The following SH3RF3 variants were observed in gnomAD, a reference collection of about 807,000 sequenced individuals.
SH3RF3 encodes the protein SH3 domain containing ring finger 3.
Under a neutral mutation model 66.3 loss-of-function variants are expected in SH3RF3, and 29 were observed. That is an observed-to-expected ratio of 0.44 (90% confidence interval 0.33 to 0.60). SH3RF3 has a LOEUF of 0.60. Ranked by LOEUF, SH3RF3 falls within the 20% of genes least tolerant of loss-of-function variation. The probability of loss-of-function intolerance (pLI) is 0.04; values close to 1 mark genes in which losing one functional copy is unlikely to be tolerated. For missense variants in SH3RF3, 1,194 were observed against 1,190.9 expected (o/e 1.00, Z -0.04); for synonymous variants, 583 against 532.0 (o/e 1.10, Z -1.32).
At chr2:109,397,050 T>G (rs1352927605) in intron 3 of SH3RF3, among the ~76,000 whole-genome samples, 2 of 152,194 alleles carry the variant, frequency 1.3e-5, no homozygotes, top group Non-Finnish European at 2.9e-5. Context: ...GCCACTGGCC[T>G]AGGTGCCTCT....
At chr2:109,295,385 C>T (rs1681284176) in intron 1 of SH3RF3, among the ~76,000 whole-genome samples, 1 of 152,252 alleles carries the variant, frequency 6.6e-6, no homozygotes, top group Non-Finnish European at 1.5e-5. Context: ...GGCTGTAACC[C>T]AGGCCGCCTG....
intron 1 of SH3RF3, among the ~76,000 whole-genome samples, chr2:109,206,687 A>T (rs770621067): frequency 6.6e-6 from 1 of 151,872 alleles, no homozygotes; most frequent in Non-Finnish European, 1.5e-5. Flanking sequence ...ATATTAGTGT[A>T]TGCTTATAAT....
At chr2:109,300,018 G>T (rs1681416618) in intron 1 of SH3RF3, among the ~76,000 whole-genome samples, 1 of 152,142 alleles carries the variant, frequency 6.6e-6, no homozygotes, top group Admixed American at 6.5e-5. Flanking sequence ...AAACTGGAAG[G>T]CACTGCACAG....
At chr2:109,135,398 CG>C (rs895135541) in intron 1 of SH3RF3, among the ~76,000 whole-genome samples, 31 of 152,276 alleles carry the variant, frequency 2.0e-4, no homozygotes, top group African/African-American at 4.3e-4. Flanking sequence ...CCATCTGCCC[CG>C]GGGCAAATGG....
At chr2:109,367,179 G>T (rs1174631275) in intron 2 of SH3RF3, among the ~76,000 whole-genome samples, 2 of 147,052 alleles carry the variant, frequency 1.4e-5, no homozygotes, top group Admixed American at 1.4e-4. Context: ...GGCCAGACTG[G>T]TCTCGAACTC....
At chr2:109,450,162 A>G (rs572729664) in intron 8 of SH3RF3, among the ~76,000 whole-genome samples, 2 of 152,194 alleles carry the variant, frequency 1.3e-5, no homozygotes, top group African/African-American at 4.8e-5. Context: ...CCTGGCCAAC[A>G]TGGCAAAACC....
intron 1 of SH3RF3, among the ~76,000 whole-genome samples, chr2:109,261,259 A>G (rs774801942): frequency 6.6e-6 from 1 of 152,180 alleles, no homozygotes; most frequent in Non-Finnish European, 1.5e-5. Context: ...GTCAAGCAGA[A>G]CAAAGCAATG....
chr2:109,495,477 C>CTTTTTTTTTTTTTTTTTTT (rs569509984), intron 9 of SH3RF3, among the ~76,000 whole-genome samples: 1 of 94,240 alleles, frequency 1.1e-5, no homozygotes, highest in Non-Finnish European at 2.0e-5. Context: ...TCTTTCATTC[C>CTTTTTTTTTTTTTTTTTTT]TTTTTTTTTT....
intron 4 of SH3RF3, among the ~76,000 whole-genome samples, chr2:109,417,855 G>T (rs1405963312): frequency 6.6e-6 from 1 of 152,132 alleles, no homozygotes; most frequent in Non-Finnish European, 1.5e-5. Flanking sequence ...GGTGGCCGGC[G>T]GCATGCAGAG....
At chr2:109,296,292 A>G (rs1484581607) in intron 1 of SH3RF3, among the ~76,000 whole-genome samples, 1 of 151,962 alleles carries the variant, frequency 6.6e-6, no homozygotes, top group African/African-American at 2.4e-5. Flanking sequence ...CAATGGTGCT[A>G]TCTCGGCTCA....
intron 1 of SH3RF3, chr2:109,313,624 G>A (rs1681789562): frequency 6.5e-6 from 1 of 155,006 alleles, no homozygotes; most frequent in Admixed American, 6.5e-5. Flanking sequence ...GGCCAGCAGT[G>A]GGGCTCACTG....
chr2:109,192,162 G>A (rs1053709994), intron 1 of SH3RF3, among the ~76,000 whole-genome samples: 7 of 152,068 alleles, frequency 4.6e-5, no homozygotes, highest in Admixed American at 1.3e-4. Flanking sequence ...AGAGCGGTTC[G>A]GTTCTACATA....
intron 5 of SH3RF3, among the ~76,000 whole-genome samples, chr2:109,429,706 G>A (rs901236769): frequency 2.0e-5 from 3 of 152,144 alleles, no homozygotes; most frequent in Non-Finnish European, 4.4e-5. Context: ...CTGAACATGC[G>A]TGACCATGGA....
intron 1 of SH3RF3, among the ~76,000 whole-genome samples, chr2:109,290,512 TC>T (rs1220515844): frequency 6.6e-6 from 1 of 152,236 alleles, no homozygotes; most frequent in Non-Finnish European, 1.5e-5. Context: ...CCTCACTGTC[TC>T]CTACACATAT....
intron 6 of SH3RF3, among the ~76,000 whole-genome samples, chr2:109,436,047 C>T (rs1034954351): frequency 6.6e-6 from 1 of 152,118 alleles, no homozygotes; most frequent in Non-Finnish European, 1.5e-5. Context: ...ATACCAGCCA[C>T]AGGGAGATGG....
At chr2:109,362,632 T>C (rs1683070856) in intron 2 of SH3RF3, among the ~76,000 whole-genome samples, 1 of 152,186 alleles carries the variant, frequency 6.6e-6, no homozygotes, top group Non-Finnish European at 1.5e-5. Context: ...TCCTTACTGA[T>C]TTTCTGCTTG....
intron 9 of SH3RF3, among the ~76,000 whole-genome samples, chr2:109,496,439 C>T (rs1489807800): frequency 2.0e-5 from 3 of 152,222 alleles, no homozygotes; most frequent in African/African-American, 7.2e-5. Flanking sequence ...TTCTCCAAGT[C>T]CCCACTCGAC....
chr2:109,368,405 TTGGCATATACAG>T (rs1394848412), intron 2 of SH3RF3, among the ~76,000 whole-genome samples: 2 of 152,340 alleles, frequency 1.3e-5, no homozygotes, highest in Admixed American at 6.5e-5. Context: ...GGAATGAATT[TTGGCATATACAG>T]TGGATTAGAG....
At chr2:109,463,984 G>C (rs1335061980) in intron 8 of SH3RF3, among the ~76,000 whole-genome samples, 1 of 152,192 alleles carries the variant, frequency 6.6e-6, no homozygotes, top group African/African-American at 2.4e-5. Context: ...AGGAGAGGAA[G>C]GATAGACCCT....
Sources: allele counts gnomAD v4.1 joint callset (sites outside exome capture counted in the v4.1 genomes callset), GRCh38; gene constraint gnomAD v4.1.1; transcripts MANE v1.5; gene names NCBI Gene and HGNC (gene_info 2026-07-23, HGNC 2026-07-21).